The following IDUA variants were observed in gnomAD, a reference collection of about 807,000 sequenced individuals.
IDUA encodes the protein alpha-L-iduronidase.
Under a neutral mutation model 68.9 loss-of-function variants are expected in IDUA, and 65 were observed. The ratio of observed to expected loss-of-function variants is 0.94; its 90% CI spans 0.77 to 1.16. The LOEUF (loss-of-function observed/expected upper bound fraction) is 1.16. Ranked by LOEUF, IDUA falls within the 50% of genes most tolerant of loss-of-function variation. IDUA has a pLI of 0.00. For synonymous variants in IDUA, 529 were observed against 433.6 expected, an observed-to-expected ratio of 1.22 and a Z score of -2.73; for missense variants, 1,046 against 938.0, an observed-to-expected ratio of 1.12 and a Z score of -1.50.
chr4:998,444 A>G (rs1024768967), intron 2 of IDUA, among the ~76,000 whole-genome samples: 3 of 152,104 alleles, frequency 2.0e-5, no homozygotes, highest in African/African-American at 7.2e-5. Context: ...ACCACTGCAG[A>G]TGCGGCACAA....
chr4:991,402 C>T (rs1389494091), intron 2 of IDUA: 2 of 1,612,838 alleles, frequency 1.2e-6, no homozygotes, highest in Non-Finnish European at 1.7e-6. Context: ...CGTATAGAGG[C>T]TGTAGATGGG....
chr4:992,023 GT>G, intron 2 of IDUA: 1 of 617,694 alleles, frequency 1.6e-6, no homozygotes, highest in Non-Finnish European at 3.0e-6. Context: ...GCGGCACCCT[GT>G]CCAGGCTCAG....
At chr4:998,979 C>G (rs184068217) in intron 2 of IDUA, among the ~76,000 whole-genome samples, 1 of 151,986 alleles carries the variant, frequency 6.6e-6, no homozygotes, top group South Asian at 2.1e-4. Context: ...CCAAGGTGGG[C>G]GGATCACGAG....
At chr4:987,750 C>T in intron 1 of IDUA, 59 bp from the exon 2 acceptor site, 1 of 1,606,690 alleles carries the variant, frequency 6.2e-7, no homozygotes, top group Non-Finnish European at 8.5e-7. Flanking sequence ...ACGTGTGTGT[C>T]AGCCGCGCTG....
chr4:1,003,464 C>G lies in IDUA; in HGVS notation c.1644C>G (p.Pro548=). 1.3e-6 allele frequency: 2 copies of G among 1,565,016 alleles called. No individual in the cohort carries two copies. The highest frequency in any genetic ancestry group is 1.1e-5 in the South Asian group (1 of 87,516). The stretch of plus-strand genomic sequence containing the variant: ...TGTGTGCGCGCCCCGAGAAGCCGCC[C>G]GGGCAGGCAAGTGGCAGTCCCCTAA... The part of the protein sequence containing the change: ...VHVCARPEKP[P]GQVTRLRALP... The change falls in exon 11 of 14, where the codon CCC becomes CCG. Residue 548 remains proline (P), a synonymous_variant. Transcript: ENST00000514224.
chr4:1,000,851 T>G (rs1422217915), intron 3 of IDUA, 31 bp from the exon 4 acceptor site: 2 of 1,575,042 alleles, frequency 1.3e-6, no homozygotes, highest in African/African-American at 2.7e-5. Flanking sequence ...TGGTGTGTGG[T>G]GGGCGGTGGG....
chr4:999,032 G>A (rs570118477), intron 2 of IDUA, among the ~76,000 whole-genome samples: 161 of 152,068 alleles, frequency 1.1e-3, no homozygotes, highest in Non-Finnish European at 1.6e-3. Flanking sequence ...GTGAAACTCC[G>A]TCTCTACTAA....
intron 2 of IDUA, among the ~76,000 whole-genome samples, chr4:999,550 C>T (rs986659135): frequency 6.6e-5 from 10 of 152,254 alleles, no homozygotes; most frequent in Admixed American, 1.3e-4. Flanking sequence ...CACTCCCTGT[C>T]GTATCCCCTT....
rs1473137019 is a variant in IDUA, at chr4:1,000,970, C to A, written c.474C>A (p.Ser158Arg). ...QVFEWKDLVS[S>R]LARRYIGRYG... ...TTGAGTGGAAGGACTTGGTCTCCAGCCTGGCCAGGAGATACATCGGTGGGC... is the reference window on the plus strand; with the variant it reads ...TTGAGTGGAAGGACTTGGTCTCCAGACTGGCCAGGAGATACATCGGTGGGC... The change falls in exon 4 of 14, where the codon AGC becomes AGA. Residue 158 changes from serine (S) to arginine (R), a missense_variant. Coordinates refer to ENST00000514224, the MANE Select transcript of IDUA (RefSeq NM_000203.5). 6.2e-7 allele frequency: 1 copy of A among 1,612,662 alleles called. No homozygotes were observed. The highest frequency in any genetic ancestry group is 1.1e-5 in the South Asian group (1 of 91,078).
chr4:987,849 A>C lies in IDUA; in HGVS notation c.199A>C (p.Ser67Arg). The change falls in exon 2 of 14, where the codon AGC becomes CGC. Residue 67 changes from serine (S) to arginine (R), a missense_variant. Transcript: ENST00000514224. ...CAGCCAGGCTGACCAGTACGTCCTC[A>C]GCTGGGACCAGCAGCTCAACCTCGC... ...PHSQADQYVL[S>R]WDQQLNLAYV... The C allele has an allele frequency of 6.2e-7, 1 of 1,612,446 alleles. No individual in the cohort carries two copies. Among genetic ancestry groups the C allele is most frequent in the Non-Finnish European group, 8.5e-7 (1 of 1,179,844 alleles).
chr4:994,554 C>T (rs1334042889), intron 2 of IDUA, among the ~76,000 whole-genome samples: 2 of 151,908 alleles, frequency 1.3e-5, no homozygotes, highest in Non-Finnish European at 2.9e-5. Flanking sequence ...TCTCCTGCCT[C>T]AGCCTCCCGA....
Position 994,737 on chromosome 4 carries a change from G to A in IDUA, c.300-5875G>A, listed in dbSNP as rs370708970. 4.3e-4 allele frequency among the ~76,000 whole-genome samples: 65 copies of A among 150,742 alleles called. 2 individuals carry two copies. Among genetic ancestry groups the A allele is most frequent in the Admixed American group, 1.4e-3 (22 of 15,176 alleles). ...CAGGCTTGAGCCACTGCACCCGGCC[G>A]CCCCCTGCCCCCCAACCTTTAAAAA... On this transcript the variant is annotated intron_variant, in intron 2 of 13. Transcript: ENST00000514224.
intron 12 of IDUA, 164 bp downstream of exon 12, chr4:1,003,789 G>A (rs553642970): frequency 2.3e-5 from 19 of 823,956 alleles, no homozygotes; most frequent in African/African-American, 2.0e-4. Context: ...TGGGCCACGC[G>A]CCAGGCCCTG....
chr4:991,383 G>A (rs373909052), intron 2 of IDUA: 16 of 1,612,724 alleles, frequency 9.9e-6, no homozygotes, highest in East Asian at 4.5e-5. Flanking sequence ...TGAGGTTGGC[G>A]AAGAAGGACG....
chr4:989,329 A>C (rs770321069), intron 2 of IDUA: 2 of 1,608,452 alleles, frequency 1.2e-6, no homozygotes, highest in Admixed American at 3.4e-5. Context: ...GAACACCCGC[A>C]CGCCGGGCTC....
intron 2 of IDUA, chr4:991,485 G>A (rs1176507459): frequency 1.4e-5 from 23 of 1,610,852 alleles, no homozygotes; most frequent in Non-Finnish European, 2.0e-5. Context: ...GCCCAGACAT[G>A]ACGTCGCCTG....
rs199660976 is a variant in IDUA, at chr4:989,243, C to T, written c.299+1294C>T. 17 of 1,612,512 alleles carry T rather than the reference C, an allele frequency of 1.1e-5. No individual in the cohort carries two copies. The highest frequency in any genetic ancestry group is 4.5e-5 in the East Asian group (2 of 44,876). The stretch of plus-strand genomic sequence containing the variant: ...TTCCTCCTGGCAGCCATGCACCCTG[C>T]GTCCAGCCCCGTGAGGCTGTAGAGT... On this transcript the variant is annotated intron_variant, in intron 2 of 13. Coordinates refer to ENST00000514224, the MANE Select transcript of IDUA (RefSeq NM_000203.5).
At chr4:1,000,783 G>A in intron 3 of IDUA, 86 bp downstream of exon 3, 1 of 1,463,142 alleles carries the variant, frequency 6.8e-7, no homozygotes, top group Non-Finnish European at 9.6e-7. Flanking sequence ...CTGAGTCCTT[G>A]GATGTCCATT....
At chr4:989,372 C>A in intron 2 of IDUA, 1 of 1,581,422 alleles carries the variant, frequency 6.3e-7, no homozygotes, top group East Asian at 2.3e-5. Context: ...GTGGCATCCT[C>A]GTAGAAGGCC....
Sources: gnomAD v4.1 joint callset for allele counts (sites outside exome capture counted in the v4.1 genomes callset) on GRCh38, gnomAD v4.1.1 for gene constraint, MANE v1.5 for transcripts, NCBI Gene and HGNC (gene_info 2026-07-23, HGNC 2026-07-21) for gene names.